Variants in LRGUK observed in about 807,000 individuals in gnomAD.
LRGUK encodes the protein leucine-rich repeat and guanylate kinase domain-containing protein.
LRGUK carries 65 observed loss-of-function variants against 76.0 expected under a neutral mutation model. The observed-to-expected ratio is 0.85, with a 90% CI of 0.70 to 1.05. LRGUK has a LOEUF of 1.05. Among genes scored for constraint, LRGUK ranks in the 50% least tolerant of loss-of-function variants. LRGUK has a pLI of 0.00. For missense variants in LRGUK, 758 were observed against 732.8 expected (o/e 1.03, Z -0.40); for synonymous variants, 268 against 265.6 (o/e 1.01, Z -0.09).
chr7:134,150,957 C>T (rs1798199485), intron 5 of LRGUK, among the ~76,000 whole-genome samples: 2 of 152,068 alleles, frequency 1.3e-5, no homozygotes, highest in Admixed American at 6.5e-5. Context: ...GGCACCATTT[C>T]TCACCTGTGT....
intron 16 of LRGUK, among the ~76,000 whole-genome samples, chr7:134,226,603 T>A (rs1801770512): frequency 6.6e-6 from 1 of 152,208 alleles, no homozygotes; most frequent in Non-Finnish European, 1.5e-5. Flanking sequence ...ACTATTGGCT[T>A]CTTGACCCAA....
At chr7:134,142,984 G>A (rs1797829193) in intron 3 of LRGUK, 78 bp from the exon 4 acceptor site, 2 of 748,668 alleles carry the variant, frequency 2.7e-6, no homozygotes, top group Non-Finnish European at 4.7e-6. Context: ...ATATTCTGAT[G>A]TCATGTACAC....
At chr7:134,195,517 C>A (rs1800440596) in intron 12 of LRGUK, among the ~76,000 whole-genome samples, 2 of 152,156 alleles carry the variant, frequency 1.3e-5, no homozygotes, top group African/African-American at 4.8e-5. Flanking sequence ...TTCAGTGGTG[C>A]AGATGAAATC....
At chr7:134,199,383 A>G in exon 14 of LRGUK, 1 of 1,613,760 alleles carries the variant, frequency 6.2e-7, no homozygotes, top group South Asian at 1.1e-5. Context: ...AAAATTAATC[A>G]GAATTTTCCG....
chr7:134,272,233 G>T, the LRGUK span, among the ~76,000 whole-genome samples: 1 of 152,092 alleles, frequency 6.6e-6, no homozygotes, highest in African/African-American at 2.4e-5. Flanking sequence ...TGATAAGAGG[G>T]TGTTTTCTTT....
downstream of LRGUK, among the ~76,000 whole-genome samples, chr7:134,212,314 A>G (rs1801305041): frequency 6.6e-6 from 1 of 152,150 alleles, no homozygotes; most frequent in Non-Finnish European, 1.5e-5. Context: ...GAAACGGACA[A>G]CTCAAGATGT....
chr7:134,157,505 T>C (rs1386547641), intron 5 of LRGUK, among the ~76,000 whole-genome samples: 1 of 152,216 alleles, frequency 6.6e-6, no homozygotes, highest in African/African-American at 2.4e-5. Flanking sequence ...ATGAGTCAGA[T>C]ACAATCCAGC....
chr7:134,250,071 G>A (rs1053981525), intron 18 of LRGUK, among the ~76,000 whole-genome samples: 2 of 152,086 alleles, frequency 1.3e-5, no homozygotes, highest in Non-Finnish European at 2.9e-5. Flanking sequence ...CTTCAGAAGG[G>A]GGCTGTGGGT....
intron 2 of LRGUK, among the ~76,000 whole-genome samples, 177 bp downstream of exon 2, chr7:134,137,307 A>C (rs1797579006): frequency 6.6e-6 from 1 of 152,204 alleles, no homozygotes; most frequent in Non-Finnish European, 1.5e-5. Context: ...GCCCTGACCA[A>C]TTCAGTAATC....
At chr7:134,187,356 G>A (rs1157460499) in intron 11 of LRGUK, among the ~76,000 whole-genome samples, 1 of 152,100 alleles carries the variant, frequency 6.6e-6, no homozygotes, top group Admixed American at 6.5e-5. Flanking sequence ...CATTTACAAA[G>A]GCACTTGCTC....
rs905221047 is a variant in LRGUK at position 134,140,265 on chromosome 7, C to T, written c.487+748C>T. Among the ~76,000 whole-genome samples the T allele has an allele frequency of 7.2e-5, 11 of 152,142 alleles. No homozygotes were observed. In the South Asian group the frequency reaches 1.5e-3, roughly 20 times the overall value. On this transcript the variant is annotated intron_variant, in intron 3 of 15. Coordinates refer to ENST00000645682, the Ensembl canonical transcript of LRGUK. ...GATTACAGGTGTGAGCCACTGTGCC[C>T]GGGCCTACATTTTGCATTTTAAATC...
intron 11 of LRGUK, among the ~76,000 whole-genome samples, chr7:134,189,876 A>T (rs1039260491): frequency 9.9e-5 from 15 of 152,210 alleles, no homozygotes; most frequent in Admixed American, 2.0e-4. Flanking sequence ...TTTAAATATG[A>T]TGTTAAGACC....
chr7:134,233,526 C>T (rs1563194237), intron 16 of LRGUK, among the ~76,000 whole-genome samples: 1 of 152,180 alleles, frequency 6.6e-6, no homozygotes, highest in East Asian at 1.9e-4. Context: ...GAAAGTGGAC[C>T]TGTGGTGACA....
chr7:134,180,079 A>T (rs1278133932), intron 10 of LRGUK, among the ~76,000 whole-genome samples: 1 of 152,150 alleles, frequency 6.6e-6, no homozygotes, highest in Non-Finnish European at 1.5e-5. Flanking sequence ...TTACCTTCTG[A>T]TATGACAAAG....
chr7:134,185,234 CCA>C (rs1162195921), intron 11 of LRGUK, among the ~76,000 whole-genome samples: 2 of 151,944 alleles, frequency 1.3e-5, no homozygotes, highest in Non-Finnish European at 2.9e-5. Context: ...AACAAAAAAA[CCA>C]CACACACACA....
At chr7:134,244,963 A>G (rs1802257851) in intron 16 of LRGUK, among the ~76,000 whole-genome samples, 1 of 151,820 alleles carries the variant, frequency 6.6e-6, no homozygotes, top group Admixed American at 6.6e-5. Context: ...CAGGAAATCA[A>G]ACACCACATG....
chr7:134,241,937 A>G (rs1391918019), intron 16 of LRGUK, among the ~76,000 whole-genome samples: 2 of 152,222 alleles, frequency 1.3e-5, no homozygotes, highest in Non-Finnish European at 1.5e-5. Flanking sequence ...AAACTGAACA[A>G]CCTGCTCCTG....
chr7:134,220,172 T>A (rs1314734088), intron 15 of LRGUK, among the ~76,000 whole-genome samples: 1 of 152,188 alleles, frequency 6.6e-6, no homozygotes, highest in Non-Finnish European at 1.5e-5. Context: ...GTTGTCTCAT[T>A]TTGTCACTTT....
chr7:134,133,060 A>G lies in LRGUK; in HGVS notation c.298-3963A>G, dbSNP rs116578234. ...AAGTCAGCTTTACAGGGACTCCAGG[A>G]TGCAGAGTTGTGGGGTCTTCTCTAG... On this transcript the variant is annotated intron_variant, in intron 1 of 15. Transcript: ENST00000645682. Among the ~76,000 whole-genome samples, 194 of 152,266 alleles carry G rather than the reference A, an allele frequency of 1.3e-3. 1 individual carries two copies. Among genetic ancestry groups the G allele is most frequent in the African/African-American group, 4.5e-3 (185 of 41,540 alleles).
Sources: allele counts gnomAD v4.1 joint callset (sites outside exome capture counted in the v4.1 genomes callset), GRCh38; gene constraint gnomAD v4.1.1; transcripts MANE v1.5; gene names NCBI Gene and HGNC (gene_info 2026-07-23, HGNC 2026-07-21).